Variants in MAPK8IP2 observed in about 807,000 individuals in gnomAD.
The protein encoded by MAPK8IP2 is C-Jun-amino-terminal kinase-interacting protein 2.
In MAPK8IP2, 15 loss-of-function variants were observed where a neutral mutation model predicts 75.6. The observed-to-expected ratio is 0.20, with a 90% CI of 0.13 to 0.31. The LOEUF (loss-of-function observed/expected upper bound fraction) is 0.31, where lower values mean the gene tolerates loss of function less well. Ranked by LOEUF, MAPK8IP2 falls within the 10% of genes least tolerant of loss-of-function variation. MAPK8IP2 has a pLI of 1.00. For missense variants in MAPK8IP2, 1,089 were observed against 1,211.2 expected (o/e 0.90, Z 1.50); for synonymous variants, 632 against 554.5 (o/e 1.14, Z -1.96).
At chr22:50,603,041 G>A in intron 2 of MAPK8IP2, 182 bp from the exon 3 acceptor site, 1 of 1,328,852 alleles carries the variant, frequency 7.5e-7, no homozygotes, top group Non-Finnish European at 1.0e-6. Flanking sequence ...CCCAAGAACT[G>A]GAGTGATCCC....
Position 50,605,466 on chromosome 22 carries a change from C to T in MAPK8IP2, c.1841+23C>T, listed in dbSNP as rs768333319. The stretch of plus-strand genomic sequence containing the variant: ...CAGGTACGGCCTCCCTCCTTGCTGG[C>T]GGTGGCCCCAGCCTCAGTCCCTGCC... On this transcript the variant is annotated intron_variant, in intron 6 of 11. Coordinates refer to ENST00000329492, the MANE Select transcript of MAPK8IP2 (RefSeq NM_012324.6). 16 of 1,611,974 alleles carry T rather than the reference C, an allele frequency of 9.9e-6. No individual in the cohort carries two copies. The East Asian group carries it at 1.1e-4, about 11-fold the overall frequency.
Position 50,605,626 on chromosome 22 carries a change from G to A in MAPK8IP2, c.1906G>A (p.Glu636Lys), listed in dbSNP as rs938340943. The A allele has an allele frequency of 5.6e-6, 9 of 1,610,748 alleles. No homozygotes were observed. The highest frequency in any genetic ancestry group is 1.7e-4 in the Middle Eastern group (1 of 6,060). ...GGATGACCCTGTGTTGGTGGAGGCC[G>A]AGGAGGACGACTTCTGGTTCCGTGG... ...DVDDPVLVEA[E>K]EDDFWFRGFN... The change falls in exon 7 of 12, where the codon GAG becomes AAG. Residue 636 changes from glutamate (E) to lysine (K), a missense_variant. Transcript: ENST00000329492.
In MAPK8IP2 at chr22:50,610,771, C is replaced by T; in HGVS notation, c.2467C>T (p.Leu823=). The change falls in exon 12 of 12, where the codon CTG becomes TTG. Residue 823 remains leucine, a synonymous_variant. Transcript: ENST00000329492. This position sits in a 1 kb window ranked among gnomAD's most constrained non-coding sequence, Gnocchi z 4.3. ...AYACPTEDIY[L]E The stretch of plus-strand genomic sequence containing the variant: ...CGCCTGCCCCACGGAGGACATCTAC[C>T]TGGAGTAGCCTGCCCACCGCTCTGT... The T allele has an allele frequency of 1.2e-6, 2 of 1,608,502 alleles. No homozygotes were observed. Among genetic ancestry groups the T allele is most frequent in the Non-Finnish European group, 8.5e-7 (1 of 1,177,920 alleles).
At position 50,610,619 on chromosome 22, in the gene MAPK8IP2, A is replaced by G. The variant is rs1399685243; in HGVS notation, c.2403-88A>G. ...GTTATGGATGGCTGCAGAGGGAGGA[A>G]GGAGGGAGAGCTCAGAGGCTCTGTG... On this transcript the variant is annotated intron_variant, in intron 11 of 11. Transcript: ENST00000329492. The surrounding 1 kb of genome is among the most constrained non-coding windows in gnomAD (Gnocchi z 4.3). 1.0e-5 allele frequency: 11 copies of G among 1,051,908 alleles called. No individual in the cohort carries two copies. Among genetic ancestry groups the G allele is most frequent in the Non-Finnish European group, 1.4e-5 (10 of 701,420 alleles). 65.2% of individuals were successfully genotyped at this position (1,051,908 alleles called of 1,614,324 possible).
rs761544571 is a variant in MAPK8IP2, at chr22:50,600,801, G to C, written c.-18G>C. ...CTCCCGCACCCCCCGCCGCAGTCGC[G>C]GGCCTCTCCCGGAGAAGATGGCGGA... On this transcript the variant is annotated 5_prime_UTR_variant, in exon 1 of 12. Transcript: ENST00000329492. 2 of 1,247,724 alleles carry C rather than the reference G, an allele frequency of 1.6e-6. No homozygotes were observed. Among genetic ancestry groups the C allele is most frequent in the Non-Finnish European group, 1.0e-6 (1 of 968,168 alleles). 77.3% of individuals were successfully genotyped at this position (1,247,724 alleles called of 1,614,324 possible).
chr22:50,610,583 C>A lies in MAPK8IP2; in HGVS notation c.2403-124C>A. 2 of 805,162 alleles carry A rather than the reference C, an allele frequency of 2.5e-6. No homozygotes were observed. The highest frequency in any genetic ancestry group is 4.1e-6 in the Non-Finnish European group (2 of 493,396). 49.9% of individuals were successfully genotyped at this position (805,162 alleles called of 1,614,324 possible). A position where few individuals can be genotyped will look rare whatever the true frequency, so the allele number is the denominator to read the frequency against. ...ACACTTGGGGGTGACATGGCCATGC[C>A]TGGGTGGGGGGTTATGGATGGCTGC... On this transcript the variant is annotated intron_variant, in intron 11 of 11. Coordinates refer to ENST00000329492, the MANE Select transcript of MAPK8IP2 (RefSeq NM_012324.6). The surrounding 1 kb of genome is among the most constrained non-coding windows in gnomAD (Gnocchi z 4.3).
Position 50,610,633 on chromosome 22 carries a change from A to G in MAPK8IP2, c.2403-74A>G. The G allele has an allele frequency of 2.5e-6, 3 of 1,223,524 alleles. No homozygotes were observed. The highest frequency in any genetic ancestry group is 2.6e-5 in the South Asian group (2 of 77,688). 75.8% of individuals were successfully genotyped at this position (1,223,524 alleles called of 1,614,324 possible). On this transcript the variant is annotated intron_variant, in intron 11 of 11. Coordinates refer to ENST00000329492, the MANE Select transcript of MAPK8IP2 (RefSeq NM_012324.6). The surrounding 1 kb of genome is among the most constrained non-coding windows in gnomAD (Gnocchi z 4.3). ...CAGAGGGAGGAAGGAGGGAGAGCTC[A>G]GAGGCTCTGTGGAAGGCAGTTTGGG... is the stretch of plus-strand genomic sequence containing the variant.
At position 50,604,645 on chromosome 22, in the gene MAPK8IP2, T is replaced by G; in HGVS notation, c.1346T>G (p.Leu449Arg). The change falls in exon 5 of 12, where the codon CTG becomes CGG. Residue 449 changes from leucine to arginine, a missense_variant. Transcript: ENST00000329492. ...CCCACGCGTGACACCATCACGCCGC[T>G]GTGGGCCGCGCCCGGCCGCGCCGCC... The part of the protein sequence containing the change: ...SNPTRDTITP[L>R]WAAPGRAARP... 6.6e-7 allele frequency: 1 copy of G among 1,518,938 alleles called. No individual in the cohort carries two copies. Among genetic ancestry groups the G allele is most frequent in the Non-Finnish European group, 8.8e-7 (1 of 1,138,842 alleles). 94.1% of individuals were successfully genotyped at this position (1,518,938 alleles called of 1,614,324 possible).
chr22:50,609,880 T>A (rs780835965), intron 10 of MAPK8IP2: 1 of 542,994 alleles, frequency 1.8e-6, no homozygotes, highest in Admixed American at 2.0e-5. Flanking sequence ...TGGTCTCCAG[T>A]AGCCAGGCAG....
In MAPK8IP2 at chr22:50,606,700, G is replaced by A; in HGVS notation, c.2167G>A (p.Ala723Thr). The change falls in exon 9 of 12, where the codon GCC becomes ACC. Residue 723 changes from alanine (A) to threonine (T), a missense_variant. By Grantham distance (58) the Ala-to-Thr change is moderately conservative. Coordinates refer to ENST00000329492, the MANE Select transcript of MAPK8IP2 (RefSeq NM_012324.6). ...ACTGACCGTCCACCTGCGCCCTCCT[G>A]CCTCCTGTGACCTCGAGATCTCTCT... ...RKLTVHLRPP[A>T]SCDLEISLRG... 6.3e-7 allele frequency: 1 copy of A among 1,598,290 alleles called. No individual in the cohort carries two copies.
At chr22:50,601,731 C>A in intron 1 of MAPK8IP2, 58 bp from the exon 2 acceptor site, 1 of 1,366,076 alleles carries the variant, frequency 7.3e-7, no homozygotes, top group Non-Finnish European at 1.0e-6. Context: ...TCCTCAGGGC[C>A]AGTTGCCAGG....
In MAPK8IP2 at chr22:50,603,352, G is replaced by A. The variant is rs779642102; in HGVS notation, c.301G>A (p.Glu101Lys). The change falls in exon 3 of 12, where the codon GAG becomes AAG. Residue 101 changes from glutamate to lysine, a missense_variant. By Grantham distance (56) the Glu-to-Lys change is moderately conservative. Around this residue, in one of 2 missense-constraint regions of MAPK8IP2, gnomAD observed 960 missense variants for 1,009.6 expected, o/e 0.95. Coordinates refer to ENST00000329492, the MANE Select transcript of MAPK8IP2 (RefSeq NM_012324.6). ...TGAGGACGAGGAAGAGGAGGAGGAGGAGGAGGAGGGAGATGGGGAAGGCCA... is the reference window on the plus strand; with the variant it reads ...TGAGGACGAGGAAGAGGAGGAGGAGAAGGAGGAGGGAGATGGGGAAGGCCA... ...DDEDEEEEEE[E>K]EEGDGEGQEG... The A allele has an allele frequency of 1.2e-5, 18 of 1,554,672 alleles. No individual in the cohort carries two copies. The highest frequency in any genetic ancestry group is 1.5e-5 in the Non-Finnish European group (17 of 1,152,346).
intron 10 of MAPK8IP2, chr22:50,609,951 G>C (rs773334508): frequency 1.5e-6 from 1 of 655,346 alleles, no homozygotes; most frequent in Non-Finnish European, 2.9e-6. Context: ...TAGCAGCACC[G>C]GCTCAGAGAA....
chr22:50,606,670 C>T lies in MAPK8IP2; in HGVS notation c.2137C>T (p.Arg713Trp), dbSNP rs1347802513. 7 of 1,595,194 alleles carry T rather than the reference C, an allele frequency of 4.4e-6. No individual in the cohort carries two copies. The highest frequency in any genetic ancestry group is 6.0e-6 in the Non-Finnish European group (7 of 1,171,066). Residue 713 changes from arginine to tryptophan, a missense_variant, in exon 9 of 12, where the codon CGG becomes TGG. Arg to Trp is a moderately radical substitution (Grantham distance 101, BLOSUM62 -3). This residue lies in a region of MAPK8IP2 where 129 missense variants were observed against 201.7 expected (regional missense o/e 0.64). Transcript: ENST00000329492. ...CAAMQKIATA[R>W]KLTVHLRPPA... ...ACTTCTTCTGTAGATTGCCACTGCCCGGAAACTGACCGTCCACCTGCGCCC... is the reference window on the plus strand; with the variant it reads ...ACTTCTTCTGTAGATTGCCACTGCCTGGAAACTGACCGTCCACCTGCGCCC...
Position 50,601,898 on chromosome 22 carries a change from G to C in MAPK8IP2, c.171+4G>C. ...CGACTCAGACCACTGTGAGAAGGTG[G>C]GAGAAGAGTTGGGGACACAGATCCA... On this transcript the variant is annotated splice_donor_region_variant and intron_variant, in intron 2 of 11. Transcript: ENST00000329492. 6.2e-7 allele frequency: 1 copy of C among 1,610,938 alleles called. No homozygotes were observed.
At position 50,612,231 on chromosome 22, in the gene MAPK8IP2, C is replaced by A. The variant is rs931304079; in HGVS notation, c.*1452C>A. ...TTAAAATGGATATTTAAAAAATTCT[C>A]CAGAGAAAGCCAGAAGAAAATAGGT... On this transcript the variant is annotated 3_prime_UTR_variant, in exon 12 of 12. Coordinates refer to ENST00000329492, the MANE Select transcript of MAPK8IP2 (RefSeq NM_012324.6). 1.3e-5 allele frequency: 2 copies of A among 152,098 alleles called. No homozygotes were observed. Among genetic ancestry groups the A allele is most frequent in the South Asian group, 4.1e-4 (2 of 4,826 alleles). 9.4% of individuals were successfully genotyped at this position (152,098 alleles called of 1,614,324 possible).
intron 10 of MAPK8IP2, chr22:50,609,850 G>T (rs1414357849): frequency 3.9e-6 from 2 of 519,336 alleles, no homozygotes; most frequent in African/African-American, 3.8e-5. Context: ...GCAGGAGGAG[G>T]CCTGAGTTGG....
Position 50,603,212 on chromosome 22 carries a change from C to T in MAPK8IP2, c.172-11C>T. On this transcript the variant is annotated splice_polypyrimidine_tract_variant and intron_variant, in intron 2 of 11. Transcript: ENST00000329492. ...TCTGGCCCAGCCCTGCTATCTCCCT[C>T]CGTCCTGCAGGACAGCCTCTCCCTG... 6.2e-7 allele frequency: 1 copy of T among 1,612,016 alleles called. No individual in the cohort carries two copies. Among genetic ancestry groups the T allele is most frequent in the Non-Finnish European group, 8.5e-7 (1 of 1,179,700 alleles).
At position 50,603,475 on chromosome 22, in the gene MAPK8IP2, C is replaced by T. The variant is rs758140030; in HGVS notation, c.424C>T (p.Arg142Cys). 2.4e-5 allele frequency: 38 copies of T among 1,563,910 alleles called. No individual in the cohort carries two copies. The highest frequency in any genetic ancestry group is 3.1e-5 in the Non-Finnish European group (36 of 1,151,712). Residue 142 changes from arginine (R) to cysteine (C), a missense_variant, in exon 3 of 12, where the codon CGT (arginine) becomes TGT (cysteine). This residue lies in a region of MAPK8IP2 where 960 missense variants were observed against 1,009.6 expected (regional missense o/e 0.95). Transcript: ENST00000329492. The stretch of plus-strand genomic sequence containing the variant: ...CCACAAGCACCGGCCCACCACCCTC[C>T]GTCTGACCACACTGGGGGCCCAGGT... ...EPHKHRPTTL[R>C]LTTLGAQDSL... is the part of the protein sequence containing the mutation.
Sources: allele counts gnomAD v4.1 joint callset, GRCh38; gene constraint gnomAD v4.1.1; regional missense constraint gnomAD v4.1.1; non-coding constraint Gnocchi (gnomAD v3.1); transcripts MANE v1.5; gene names NCBI Gene and HGNC (gene_info 2026-07-23, HGNC 2026-07-21).